MAP4: variants seen among roughly 807,000 people sequenced by gnomAD.
The protein encoded by MAP4 is microtubule-associated protein 4.
A neutral mutation model predicts 170.2 loss-of-function variants in MAP4; 76 were observed. That is an observed-to-expected ratio of 0.45 (90% CI 0.37 to 0.54). The LOEUF is 0.54. Ranked by LOEUF, MAP4 falls within the 20% of genes least tolerant of loss-of-function variation. The pLI, the probability that MAP4 is intolerant of heterozygous loss-of-function variation, is 0.00. For synonymous variants in MAP4, 909 were observed against 994.5 expected, an observed-to-expected ratio of 0.91 and a Z score of 1.62; for missense variants, 2,506 against 2,748.0, an observed-to-expected ratio of 0.91 and a Z score of 1.97.
intron 1 of MAP4, among the ~76,000 whole-genome samples, chr3:48,064,340 G>A (rs1032832746): frequency 2.0e-5 from 3 of 151,860 alleles, no homozygotes; most frequent in Admixed American, 6.6e-5. Flanking sequence ...ATCTTGTCTT[G>A]TGGCCCCCAC....
At chr3:48,022,107 T>C (rs2100110855) in intron 1 of MAP4, among the ~76,000 whole-genome samples, 1 of 152,232 alleles carries the variant, frequency 6.6e-6, no homozygotes, top group Non-Finnish European at 1.5e-5. Context: ...GAATTAACTG[T>C]CTTTTCAATA....
intron 1 of MAP4, among the ~76,000 whole-genome samples, chr3:48,040,704 T>C (rs1462331638): frequency 2.0e-5 from 3 of 151,826 alleles, no homozygotes; most frequent in Non-Finnish European, 4.4e-5. Flanking sequence ...GCTGGGACTA[T>C]AGGCATGCGC....
intron 20 of MAP4, 69 bp downstream of exon 20, chr3:47,853,093 CA>C: frequency 6.2e-7 from 1 of 1,613,992 alleles, no homozygotes; most frequent in Non-Finnish European, 8.5e-7. Flanking sequence ...TAGTCAAAAA[CA>C]AAGGAGTTTC....
chr3:47,998,686 T>C lies in MAP4; in HGVS notation c.175A>G (p.Asn59Asp), dbSNP rs1337296464. The C allele has an allele frequency of 6.2e-7, 1 of 1,614,166 alleles. No homozygotes were observed. The highest frequency in any genetic ancestry group is 2.2e-5 in the East Asian group (1 of 44,874). The change falls in exon 2 of 21, where the codon AAC becomes GAC. Residue 59 changes from asparagine (N) to aspartate (D), a missense_variant. Around this residue, in one of 3 missense-constraint regions of MAP4, gnomAD observed 2,008 missense variants for 2,206.0 expected, o/e 0.91. Transcript: ENST00000683076. ...PLLDVDEKTG[N>D]SESKKKPCSE... The stretch of plus-strand genomic sequence containing the variant: ...CACGGTTTCTTCTTTGACTCTGAGT[T>C]CCCGGTTTTCTCATCAACATCCAGG...
intron 1 of MAP4, among the ~76,000 whole-genome samples, chr3:48,003,477 A>G (rs2100100503): frequency 6.6e-6 from 1 of 150,720 alleles, no homozygotes; most frequent in African/African-American, 2.4e-5. Flanking sequence ...AAAAAAACAT[A>G]TTAAATTGTA....
intron 1 of MAP4, among the ~76,000 whole-genome samples, chr3:48,057,637 GAAAAAAAAGA>G (rs1268591021): frequency 7.4e-5 from 8 of 107,632 alleles, no homozygotes; most frequent in African/African-American, 2.8e-4. Context: ...AAATAAAAAA[GAAAAAAAAGA>G]AAAAAAAAAA....
At chr3:48,036,125 T>C (rs910759047) in intron 1 of MAP4, among the ~76,000 whole-genome samples, 8 of 152,236 alleles carry the variant, frequency 5.3e-5, no homozygotes, top group Admixed American at 5.2e-4. Flanking sequence ...GCTAGTAAAG[T>C]GGCACAACTC....
Position 47,937,323 on chromosome 3 carries a change from A to C in MAP4, c.293-8973T>G, listed in dbSNP as rs56888534. Among the ~76,000 whole-genome samples the C allele has an allele frequency of 4.0e-3, 614 of 152,324 alleles. 6 individuals are homozygous for C. The highest frequency in any genetic ancestry group is 0.014 in the African/African-American group (595 of 41,562). The stretch of plus-strand genomic sequence containing the variant: ...GTCTAAGCCAGAAAAATGACGATGA[A>C]TTAAAGAACAAACCACAGCATCCTC... On this transcript the variant is annotated intron_variant, in intron 3 of 20. Transcript: ENST00000683076.
intron 3 of MAP4, among the ~76,000 whole-genome samples, chr3:47,966,228 CTTTTTTTTTTTTTTTTTTTTTTTTT>C (rs757460367): frequency 4.0e-5 from 2 of 50,220 alleles, no homozygotes; most frequent in Admixed American, 2.9e-4. Flanking sequence ...CCCACACTAC[CTTTTTTTTTTTTTTTTTTTTTTTTT>C]TTTTTTTTTT....
At chr3:47,907,028 T>C (rs1479120117) in intron 9 of MAP4, among the ~76,000 whole-genome samples, 2 of 152,002 alleles carry the variant, frequency 1.3e-5, no homozygotes, top group East Asian at 1.9e-4. Context: ...AGAGATGGGG[T>C]TTCTCCACGT....
intron 1 of MAP4, among the ~76,000 whole-genome samples, chr3:48,005,347 G>A (rs999585797): frequency 1.3e-5 from 2 of 151,656 alleles, no homozygotes; most frequent in African/African-American, 2.4e-5. Context: ...GCAACAGAAC[G>A]AGACTCCCTC....
chr3:48,062,229 G>A (rs977356911), intron 1 of MAP4, among the ~76,000 whole-genome samples: 2 of 152,148 alleles, frequency 1.3e-5, no homozygotes, highest in Non-Finnish European at 2.9e-5. Context: ...AACATGTGCT[G>A]TGTCCACTCA....
chr3:47,885,370 C>A (rs1284747145), intron 10 of MAP4, among the ~76,000 whole-genome samples: 1 of 123,434 alleles, frequency 8.1e-6, no homozygotes, highest in East Asian at 2.0e-4. Context: ...TCTCTACCAT[C>A]AATCAATCAA....
intron 1 of MAP4, among the ~76,000 whole-genome samples, chr3:48,087,716 TACAC>T (rs1484398165): frequency 5.9e-5 from 7 of 119,574 alleles, no homozygotes; most frequent in South Asian, 2.7e-4. Flanking sequence ...CACACACACA[TACAC>T]ACGCACGCGC....
intron 1 of MAP4, among the ~76,000 whole-genome samples, chr3:48,063,146 TA>T (rs112104186): frequency 1.5e-3 from 211 of 141,544 alleles, no homozygotes; most frequent in Middle Eastern, 3.6e-3. Context: ...TCAAATTCAT[TA>T]AAAAAAAAAA....
At chr3:47,950,759 G>GT (rs937731666) in intron 3 of MAP4, among the ~76,000 whole-genome samples, 8 of 151,554 alleles carry the variant, frequency 5.3e-5, no homozygotes, top group African/African-American at 7.3e-5. Flanking sequence ...TGCTTTTTTT[G>GT]TTTTTTTGGT....
intron 19 of MAP4, among the ~76,000 whole-genome samples, chr3:47,854,382 G>A (rs1430987795): frequency 6.6e-6 from 1 of 152,224 alleles, no homozygotes; most frequent in East Asian, 1.9e-4. Context: ...TTCAGTCAGA[G>A]CATCAGGAGA....
chr3:48,061,938 A>G (rs1452168623), intron 1 of MAP4, among the ~76,000 whole-genome samples: 3 of 142,150 alleles, frequency 2.1e-5, no homozygotes, highest in East Asian at 4.3e-4. Flanking sequence ...ACCTCTGCCC[A>G]GCCGCCCCTT....
In MAP4 at chr3:48,074,268, T is replaced by C. The variant is rs1277759216; in HGVS notation, c.-20+14505A>G. 7.2e-5 allele frequency among the ~76,000 whole-genome samples: 9 copies of C among 125,666 alleles called. No individual in the cohort carries two copies. In the East Asian group the frequency reaches 2.1e-3, roughly 29 times the overall value. 82.4% of individuals were successfully genotyped at this position (125,666 alleles called of 152,430 possible). On this transcript the variant is annotated intron_variant, in intron 1 of 18. Transcript: ENST00000360240. ...GTGGGAATTGAACAATGAGAACACC[T>C]GGACACAGGGTGGGGAACGTCACAC...
Sources: gnomAD v4.1 joint callset for allele counts (sites outside exome capture counted in the v4.1 genomes callset) on GRCh38, gnomAD v4.1.1 for gene constraint, gnomAD v4.1.1 regional missense constraint, MANE v1.5 for transcripts, NCBI Gene and HGNC (gene_info 2026-07-23, HGNC 2026-07-21) for gene names.